The following GUK1 variants were observed in gnomAD, a reference collection of about 807,000 sequenced individuals.
GUK1 encodes guanylate kinase.
GUK1 carries 18 observed loss-of-function variants against 25.2 expected under a neutral mutation model. The ratio of observed to expected loss-of-function variants is 0.71; its 90% CI spans 0.49 to 1.06. The LOEUF (loss-of-function observed/expected upper bound fraction) is 1.06, where lower values mean the gene tolerates loss of function less well. GUK1 is among the 50% of genes least tolerant of loss of function. The probability of loss-of-function intolerance (pLI) is 0.00; values close to 1 mark genes in which losing one functional copy is unlikely to be tolerated. For missense variants in GUK1, 261 were observed against 276.7 expected (o/e 0.94, Z 0.40); for synonymous variants, 105 against 117.6 (o/e 0.89, Z 0.69).
At chr1:228,143,818 C>T (rs2034200619) in intron 2 of GUK1, among the ~76,000 whole-genome samples, 1 of 152,130 alleles carries the variant, frequency 6.6e-6, no homozygotes, top group Non-Finnish European at 1.5e-5. Context: ...GCCAGGAGGG[C>T]ATGGGGTGCA....
Position 228,146,033 on chromosome 1 carries a change from G to A in GUK1, c.120G>A (p.Thr40=), listed in dbSNP as rs138970662. The A allele has an allele frequency of 9.9e-6, 16 of 1,611,630 alleles. No individual in the cohort carries two copies. In the African/African-American group the frequency reaches 1.2e-4, roughly 12 times the overall value. ...GACAGGTCTCTCTGCTAGATACCAC[G>A]AGGAACCCGAGGCCCGGCGAGGAGA... The change falls in exon 4 of 9, where the codon ACG becomes ACA. Residue 40 remains threonine, a synonymous_variant. Coordinates refer to ENST00000312726, the MANE Select transcript of GUK1 (RefSeq NM_000858.7).
At chr1:228,147,913 A>C (rs1328602928) in intron 7 of GUK1, among the ~76,000 whole-genome samples, 1 of 151,848 alleles carries the variant, frequency 6.6e-6, no homozygotes, top group Non-Finnish European at 1.5e-5. Flanking sequence ...GAGGGTCCTC[A>C]GATTTCCCTC....
chr1:228,148,890 A>ATC lies in GUK1; in HGVS notation c.*198_*199dup, dbSNP rs778213635. The ATC allele has an allele frequency of 7.1e-7, 1 of 1,410,076 alleles. No homozygotes were observed. The highest frequency in any genetic ancestry group is 1.3e-5 in the South Asian group (1 of 78,346). 87.3% of individuals were successfully genotyped at this position (1,410,076 alleles called of 1,614,324 possible). A position where few individuals can be genotyped will look rare whatever the true frequency, so the allele number is the denominator to read the frequency against. ...CCTCGCTGGGCTGTCCCCTGTCCCT[A>ATC]TCTCTCACTCTGGACCCAGGGCTGA... On this transcript the variant is annotated 3_prime_UTR_variant, in exon 9 of 9. Transcript: ENST00000312726.
intron 3 of GUK1, 58 bp from the exon 3 acceptor site, chr1:228,145,968 G>C (rs111913086): frequency 3.1e-6 from 4 of 1,289,198 alleles, no homozygotes; most frequent in Non-Finnish European, 4.5e-6. Context: ...CAAGGGAAAC[G>C]CTGGGTGGGG....
chr1:228,145,933 TG>T (rs1254094974), intron 3 of GUK1, 92 bp from the exon 3 acceptor site: 2 of 949,348 alleles, frequency 2.1e-6, no homozygotes, highest in Non-Finnish European at 3.4e-6. Flanking sequence ...GCCTGCATCC[TG>T]GGGCTCAAGT....
chr1:228,144,660 G>A lies in GUK1; in HGVS notation c.-2-851G>A, dbSNP rs892148576. On this transcript the variant is annotated intron_variant, in intron 2 of 8. Coordinates refer to ENST00000312726, the MANE Select transcript of GUK1 (RefSeq NM_000858.7). ...TAGAAGGGTGGGGCCAGAAGCAGGC[G>A]TAGTGGGGATTAGGGACTCAGCACC... is the stretch of plus-strand genomic sequence containing the variant. 23 of 930,768 alleles carry A rather than the reference G, an allele frequency of 2.5e-5. No individual in the cohort carries two copies. The East Asian group carries it at 3.5e-4, about 14-fold the overall frequency. 57.7% of individuals were successfully genotyped at this position (930,768 alleles called of 1,614,324 possible). A position where few individuals can be genotyped will look rare whatever the true frequency, so the allele number is the denominator to read the frequency against.
rs1487864640 is a variant in GUK1 at position 228,147,527 on chromosome 1, C to T, written c.373C>T (p.Pro125Ser). The T allele has an allele frequency of 9.3e-6, 15 of 1,613,288 alleles. No individual in the cohort carries two copies. Among genetic ancestry groups the T allele is most frequent in the Non-Finnish European group, 1.2e-5 (14 of 1,179,990 alleles). ...GCCCATCTACATCTCTGTGCAGCCG[C>T]CTTCACTGCACGTGCTGGTGTGTGC... The change falls in exon 6 of 9, where the codon CCT becomes TCT. Residue 125 changes from proline to serine, a missense_variant. Coordinates refer to ENST00000312726, the MANE Select transcript of GUK1 (RefSeq NM_000858.7).
intron 2 of GUK1, chr1:228,141,299 G>C (rs1236920180): frequency 1.0e-6 from 1 of 974,498 alleles, no homozygotes; most frequent in Admixed American, 6.1e-5. Flanking sequence ...GTAAAGGAAT[G>C]TTCCTGTCCC....
chr1:228,140,363 G>C lies in GUK1; in HGVS notation c.-168G>C. On this transcript the variant is annotated splice_region_variant and 5_prime_UTR_variant, in exon 1 of 9. Coordinates refer to ENST00000312726, the MANE Select transcript of GUK1 (RefSeq NM_000858.7). ...CGCCCTGGGCCGGGCCCCACCGGACGGTGAGTACGACAAGCGCGATCGCGA... is the reference window on the plus strand; with the variant it reads ...CGCCCTGGGCCGGGCCCCACCGGACCGTGAGTACGACAAGCGCGATCGCGA... 1.3e-6 allele frequency: 2 copies of C among 1,521,836 alleles called. No individual in the cohort carries two copies. The highest frequency in any genetic ancestry group is 2.0e-4 in the Middle Eastern group (1 of 5,072). The allele number at this position is 1,521,836 out of a possible 1,614,324, so 94.3% of individuals were successfully genotyped here.
intron 4 of GUK1, 67 bp from the exon 4 acceptor site, chr1:228,146,775 G>A: frequency 3.9e-6 from 4 of 1,027,628 alleles, no homozygotes; most frequent in Non-Finnish European, 4.6e-6. Context: ...TGGGTTGGGG[G>A]CAGCTGGCCC....
chr1:228,145,658 A>G, intron 3 of GUK1, 34 bp downstream of exon 2: 1 of 1,602,638 alleles, frequency 6.2e-7, no homozygotes, highest in Non-Finnish European at 8.5e-7. Context: ...GGGTGCGTAG[A>G]CCTCAAGGCT....
chr1:228,145,960 AG>A, intron 3 of GUK1, 65 bp from the exon 3 acceptor site: 1 of 1,209,846 alleles, frequency 8.3e-7, no homozygotes, highest in South Asian at 1.2e-5. Context: ...CGGGACTGCA[AG>A]GGAAACGCTG....
At chr1:228,148,202 C>T (rs759106750) in intron 7 of GUK1, 169 bp from the exon 7 acceptor site, 28 of 695,784 alleles carry the variant, frequency 4.0e-5, no homozygotes, top group South Asian at 1.5e-5. Flanking sequence ...AGGACTGAGG[C>T]CCAGGGGGCG....
intron 5 of GUK1, 80 bp from the exon 5 acceptor site, chr1:228,147,326 G>A (rs1358326477): frequency 1.4e-5 from 19 of 1,384,040 alleles, no homozygotes; most frequent in Middle Eastern, 2.5e-4. Flanking sequence ...CGCTGGGCCC[G>A]GGAGGGCCTG....
At position 228,146,316 on chromosome 1, in the gene GUK1, G is replaced by A. The variant is rs117654636; in HGVS notation, c.154+249G>A. 163 of 552,564 alleles carry A rather than the reference G, an allele frequency of 2.9e-4. No homozygotes were observed. The East Asian group carries it at 4.0e-3, about 13-fold the overall frequency. 34.2% of individuals were successfully genotyped at this position (552,564 alleles called of 1,614,324 possible). A position where few individuals can be genotyped will look rare whatever the true frequency, so the allele number is the denominator to read the frequency against. ...GCTGTCTTCCTCCCACCTTGGAGGC[G>A]GCCACAGTGCTGCTGTCCCCAGCCC... is the stretch of plus-strand genomic sequence containing the variant. On this transcript the variant is annotated intron_variant, in intron 4 of 8. Transcript: ENST00000312726.
At chr1:228,140,522 G>T (rs1475002156) in intron 1 of GUK1, among the ~76,000 whole-genome samples, 159 bp downstream of exon 1, 1 of 152,260 alleles carries the variant, frequency 6.6e-6, no homozygotes, top group Non-Finnish European at 1.5e-5. Flanking sequence ...GGGAGCTCTG[G>T]AGGGCGGACG....
intron 8 of GUK1, 58 bp from the exon 8 acceptor site, chr1:228,148,607 G>A (rs956679020): frequency 3.0e-5 from 45 of 1,509,604 alleles, no homozygotes; most frequent in Admixed American, 2.2e-4. Flanking sequence ...GGGAGAGCAG[G>A]AAGCCCAGCC....
Position 228,147,441 on chromosome 1 carries a change from G to A in GUK1, c.287G>A (p.Arg96His), listed in dbSNP as rs752446312. ...GTGCAGGCCGTGCAGGCCATGAACC[G>A]CATCTGTGTGCTGGACGTGGACCTG... Residue 96 changes from arginine (R) to histidine (H), a missense_variant, in exon 6 of 9, where the codon CGC (arginine) becomes CAC (histidine). Physicochemically the swap from Arg to His is conservative, Grantham distance 29. Transcript: ENST00000312726. 1.0e-4 allele frequency: 168 copies of A among 1,612,464 alleles called. No homozygotes were observed. The highest frequency in any genetic ancestry group is 1.8e-4 in the South Asian group (16 of 91,074).
Position 228,147,496 on chromosome 1 carries a change from T to C in GUK1, c.342T>C (p.Asp114=). 1 of 1,613,292 alleles carries C rather than the reference T, an allele frequency of 6.2e-7. No individual in the cohort carries two copies. Among genetic ancestry groups the C allele is most frequent in the Non-Finnish European group, 8.5e-7 (1 of 1,179,952 alleles). The change falls in exon 6 of 9, where the codon GAT becomes GAC. Residue 114 remains aspartate, a synonymous_variant. Transcript: ENST00000312726. ...GTGTGCGGAACATCAAGGCCACCGA[T>C]CTGCGGCCCATCTACATCTCTGTGC...
Sources: allele counts gnomAD v4.1 joint callset (sites outside exome capture counted in the v4.1 genomes callset), GRCh38; gene constraint gnomAD v4.1.1; transcripts MANE v1.5; gene names NCBI Gene and HGNC (gene_info 2026-07-23, HGNC 2026-07-21).